Variants in RAB27B observed in about 807,000 individuals in gnomAD.
The protein encoded by RAB27B is RAB27B, member RAS oncogene family.
Under a neutral mutation model 24.6 loss-of-function variants are expected in RAB27B, and 15 were observed. The ratio of observed to expected loss-of-function variants is 0.61; its 90% CI spans 0.41 to 0.94. The LOEUF (loss-of-function observed/expected upper bound fraction) is 0.94, where lower values mean the gene tolerates loss of function less well. Among genes scored for constraint, RAB27B ranks in the 40% least tolerant of loss-of-function variants. The probability of loss-of-function intolerance (pLI) is 0.00; values close to 1 mark genes in which losing one functional copy is unlikely to be tolerated. For missense variants in RAB27B, 261 were observed against 266.8 expected, an observed-to-expected ratio of 0.98 and a Z score of 0.15; for synonymous variants, 105 against 92.5, an observed-to-expected ratio of 1.14 and a Z score of -0.78.
intron 1 of RAB27B, among the ~76,000 whole-genome samples, chr18:54,862,476 C>T (rs1395157838): frequency 6.6e-6 from 1 of 152,122 alleles, no homozygotes; most frequent in African/African-American, 2.4e-5. Context: ...AATGGGTTTT[C>T]TACACTGGAA....
intron 1 of RAB27B, among the ~76,000 whole-genome samples, chr18:54,846,139 A>G (rs11152020): frequency 0.95 from 144,378 of 152,322 alleles, 68,925 homozygotes; most frequent in East Asian, 1. Flanking sequence ...ATGTTCCTAA[A>G]GGCAAGCAGG....
intron 1 of RAB27B, among the ~76,000 whole-genome samples, chr18:54,870,586 T>C (rs1179847712): frequency 2.0e-5 from 3 of 152,154 alleles, no homozygotes; most frequent in African/African-American, 7.2e-5. Flanking sequence ...AGGAAGGATA[T>C]GATTGTACAT....
At chr18:54,765,037 A>C (rs899592244) in intron 2 of RAB27B, among the ~76,000 whole-genome samples, 2 of 152,172 alleles carry the variant, frequency 1.3e-5, no homozygotes, top group African/African-American at 2.4e-5. Flanking sequence ...TTTCATGCCC[A>C]GGCAGGTTGC....
At chr18:54,737,463 A>T (rs949179146) in intron 2 of RAB27B, among the ~76,000 whole-genome samples, 3 of 152,160 alleles carry the variant, frequency 2.0e-5, no homozygotes, top group African/African-American at 4.8e-5. Flanking sequence ...GATTGATCAA[A>T]ATTTAATTTT....
At chr18:54,784,348 A>G (rs775807654) in intron 2 of RAB27B, among the ~76,000 whole-genome samples, 11 of 152,126 alleles carry the variant, frequency 7.2e-5, no homozygotes, top group Admixed American at 6.5e-5. Flanking sequence ...GATGTGTTAC[A>G]TGGGTATATT....
At chr18:54,760,117 C>T (rs968570561) in intron 2 of RAB27B, among the ~76,000 whole-genome samples, 1 of 152,172 alleles carries the variant, frequency 6.6e-6, no homozygotes, top group East Asian at 1.9e-4. Context: ...GGATACCCCC[C>T]AGAAGCTGCC....
intron 2 of RAB27B, among the ~76,000 whole-genome samples, chr18:54,777,230 T>G (rs1908745355): frequency 6.6e-6 from 1 of 152,234 alleles, no homozygotes; most frequent in Non-Finnish European, 1.5e-5. Context: ...AATTTTGGTC[T>G]GTTTAAGCAA....
At chr18:54,740,852 A>T (rs1161865409) in intron 2 of RAB27B, among the ~76,000 whole-genome samples, 1 of 152,342 alleles carries the variant, frequency 6.6e-6, no homozygotes, top group Non-Finnish European at 1.5e-5. Flanking sequence ...ATAGATAGAT[A>T]ATATAAAGAA....
intron 2 of RAB27B, among the ~76,000 whole-genome samples, chr18:54,820,557 T>G (rs925456622): frequency 4.6e-5 from 7 of 152,258 alleles, no homozygotes; most frequent in South Asian, 2.1e-4. Context: ...TTTCTCCCAT[T>G]TTGTAGGTTG....
chr18:54,755,173 C>T (rs142330334), intron 2 of RAB27B, among the ~76,000 whole-genome samples: 160 of 152,142 alleles, frequency 1.1e-3, no homozygotes, highest in African/African-American at 3.7e-3. Context: ...GCGGATCACC[C>T]GAGGTCAGGA....
At chr18:54,782,289 T>A (rs1340016986) in intron 2 of RAB27B, among the ~76,000 whole-genome samples, 1 of 152,218 alleles carries the variant, frequency 6.6e-6, no homozygotes, top group African/African-American at 2.4e-5. Context: ...ACAAAATGTA[T>A]TGAAATTTGA....
upstream of RAB27B, among the ~76,000 whole-genome samples, chr18:54,827,169 G>A (rs1292661385): frequency 6.6e-6 from 1 of 152,190 alleles, no homozygotes; most frequent in African/African-American, 2.4e-5. Flanking sequence ...TCTACAGGCT[G>A]AGCCTCAAAG....
intron 1 of RAB27B, among the ~76,000 whole-genome samples, chr18:54,832,495 G>A (rs1162109690): frequency 6.6e-6 from 1 of 152,146 alleles, no homozygotes; most frequent in African/African-American, 2.4e-5. Context: ...TATGAATCTG[G>A]GGCACCTAGA....
At position 54,894,719 on chromosome 18, in the gene RAB27B, T is replaced by C. The variant is rs1158751643; in HGVS notation, c.*5306T>C. Reference sequence around the variant, plus strand: ...GTTCGTGTCAGGCTCAAAGGAGATATGTATAAGAAAGTGGTTTGTAAATTA... The same window carrying C: ...GTTCGTGTCAGGCTCAAAGGAGATACGTATAAGAAAGTGGTTTGTAAATTA... On this transcript the variant is annotated 3_prime_UTR_variant, in exon 6 of 6. Coordinates refer to ENST00000262094, the MANE Select transcript of RAB27B (RefSeq NM_004163.4). 6.6e-6 allele frequency: 1 copy of C among 151,996 alleles called. No homozygotes were observed. Among genetic ancestry groups the C allele is most frequent in the Non-Finnish European group, 1.5e-5 (1 of 67,950 alleles). 9.4% of individuals were successfully genotyped at this position (151,996 alleles called of 1,614,324 possible).
At chr18:54,885,284 G>C (rs1288218222) in intron 4 of RAB27B, among the ~76,000 whole-genome samples, 1 of 152,128 alleles carries the variant, frequency 6.6e-6, no homozygotes, top group African/African-American at 2.4e-5. Flanking sequence ...TCTGTAGCTA[G>C]AGTTGTATTT....
At chr18:54,750,478 G>A (rs940962138) in intron 2 of RAB27B, among the ~76,000 whole-genome samples, 11 of 151,764 alleles carry the variant, frequency 7.2e-5, no homozygotes, top group African/African-American at 1.7e-4. Flanking sequence ...CCTATTCATC[G>A]TTAGTCAATT....
intron 1 of RAB27B, among the ~76,000 whole-genome samples, chr18:54,837,260 G>T (rs989250405): frequency 7.2e-5 from 11 of 152,046 alleles, no homozygotes; most frequent in Non-Finnish European, 1.3e-4. Context: ...AATACAAAAG[G>T]TCTGAAATTG....
At chr18:54,765,290 C>A (rs904016702) in intron 2 of RAB27B, among the ~76,000 whole-genome samples, 1 of 152,076 alleles carries the variant, frequency 6.6e-6, no homozygotes, top group Non-Finnish European at 1.5e-5. Context: ...CTGTGCCCAG[C>A]CCCTCTCTGA....
chr18:54,871,828 C>A (rs375076621), intron 1 of RAB27B, among the ~76,000 whole-genome samples: 3 of 124,148 alleles, frequency 2.4e-5, no homozygotes, highest in Non-Finnish European at 3.2e-5. Context: ...CCAGCCTGGG[C>A]GACAGAGCAA....
Sources: gnomAD v4.1 joint callset for allele counts (sites outside exome capture counted in the v4.1 genomes callset) on GRCh38, gnomAD v4.1.1 for gene constraint, MANE v1.5 for transcripts, NCBI Gene and HGNC (gene_info 2026-07-23, HGNC 2026-07-21) for gene names.